XPR1: variants seen among roughly 807,000 people sequenced by gnomAD.
The protein encoded by XPR1 is solute carrier family 53 member 1.
A neutral mutation model predicts 87.5 loss-of-function variants in XPR1; 28 were observed. The ratio of observed to expected loss-of-function variants is 0.32; its 90% confidence interval spans 0.24 to 0.44. XPR1 has a LOEUF of 0.44. Ranked by LOEUF, XPR1 falls within the 20% of genes least tolerant of loss-of-function variation. XPR1 has a pLI of 1.00. For synonymous variants in XPR1, 300 were observed against 306.1 expected, an observed-to-expected ratio of 0.98 and a Z score of 0.21; for missense variants, 559 against 862.3, an observed-to-expected ratio of 0.65 and a Z score of 4.41.
At chr1:180,691,164 G>A (rs1051689556) in intron 2 of XPR1, among the ~76,000 whole-genome samples, 2 of 152,018 alleles carry the variant, frequency 1.3e-5, no homozygotes, top group Admixed American at 6.6e-5. Context: ...TTTTATTGCT[G>A]AGAAACTATA....
At chr1:180,821,764 T>C (rs1650631897) in intron 7 of XPR1, among the ~76,000 whole-genome samples, 2 of 152,216 alleles carry the variant, frequency 1.3e-5, no homozygotes, top group Admixed American at 6.5e-5. Context: ...GTAAAAGTTA[T>C]TTCTAGATGT....
chr1:180,691,518 G>T (rs1198009174), intron 2 of XPR1, among the ~76,000 whole-genome samples: 4 of 152,084 alleles, frequency 2.6e-5, no homozygotes, highest in Non-Finnish European at 5.9e-5. Flanking sequence ...CTGACTTTCT[G>T]AAATTGGATG....
In XPR1 at chr1:180,884,847, CT is replaced by C. The variant is rs1307152724; in HGVS notation, c.*785del. ...ACAACTTGCACCAGTTTGACCTTTT[CT>C]TTTCTTTGTTTTTATTTTAAGCCAA... On this transcript the variant is annotated 3_prime_UTR_variant, in exon 15 of 15. Transcript: ENST00000367590. 2 of 152,524 alleles carry C rather than the reference CT, an allele frequency of 1.3e-5. No homozygotes were observed. The highest frequency in any genetic ancestry group is 2.9e-5 in the Non-Finnish European group (2 of 68,032). The allele number at this position is 152,524 out of a possible 1,614,324, so 9.4% of individuals were successfully genotyped here. A position where few individuals can be genotyped will look rare whatever the true frequency, so the allele number is the denominator to read the frequency against.
intron 1 of XPR1, among the ~76,000 whole-genome samples, chr1:180,635,357 A>G (rs1051727115): frequency 6.6e-6 from 1 of 152,218 alleles, no homozygotes; most frequent in South Asian, 2.1e-4. Flanking sequence ...TAGTGACTAT[A>G]TATTTTAAAG....
At chr1:180,634,398 A>G (rs1004362465) in intron 1 of XPR1, among the ~76,000 whole-genome samples, 2 of 152,198 alleles carry the variant, frequency 1.3e-5, no homozygotes, top group African/African-American at 4.8e-5. Flanking sequence ...AATATTTTAT[A>G]GGGTTGGAAT....
At chr1:180,795,548 C>A (rs1649539027) in intron 3 of XPR1, among the ~76,000 whole-genome samples, 1 of 152,038 alleles carries the variant, frequency 6.6e-6, no homozygotes, top group South Asian at 2.1e-4. Flanking sequence ...AATATTTTTT[C>A]AGATAGCTTC....
intron 11 of XPR1, among the ~76,000 whole-genome samples, chr1:180,839,521 G>T (rs1651431869): frequency 7.2e-6 from 1 of 138,762 alleles, no homozygotes. Flanking sequence ...TGGAACTTCA[G>T]ATTACACTCA....
intron 2 of XPR1, among the ~76,000 whole-genome samples, chr1:180,710,010 A>G (rs1050377227): frequency 5.3e-5 from 8 of 151,730 alleles, no homozygotes; most frequent in South Asian, 4.2e-4. Flanking sequence ...GGTTCAAGCA[A>G]TTCTCCTGCC....
intron 11 of XPR1, among the ~76,000 whole-genome samples, chr1:180,851,616 A>G (rs1222987663): frequency 6.6e-6 from 1 of 152,178 alleles, no homozygotes; most frequent in Non-Finnish European, 1.5e-5. Flanking sequence ...TACAGCAATA[A>G]CCTACTACAA....
intron 2 of XPR1, among the ~76,000 whole-genome samples, chr1:180,695,707 G>A (rs1336772168): frequency 2.0e-5 from 3 of 152,064 alleles, no homozygotes; most frequent in Non-Finnish European, 4.4e-5. Flanking sequence ...TCCAGTGTAT[G>A]TTCTGGAGCC....
intron 1 of XPR1, among the ~76,000 whole-genome samples, chr1:180,632,578 G>A (rs922685973): frequency 2.1e-4 from 32 of 152,364 alleles, no homozygotes; most frequent in African/African-American, 7.2e-4. Context: ...AGGTGGGGGA[G>A]TCACGGTGCG....
At chr1:180,847,797 C>T (rs1651734301) in intron 11 of XPR1, among the ~76,000 whole-genome samples, 1 of 152,136 alleles carries the variant, frequency 6.6e-6, no homozygotes, top group African/African-American at 2.4e-5. Flanking sequence ...AAGGCAGACA[C>T]TCTAAATTAT....
At chr1:180,691,884 A>G (rs915816408) in intron 2 of XPR1, among the ~76,000 whole-genome samples, 7 of 152,132 alleles carry the variant, frequency 4.6e-5, no homozygotes, top group African/African-American at 1.7e-4. Flanking sequence ...ATTCTGGAGA[A>G]TGGAAGACTG....
intron 2 of XPR1, among the ~76,000 whole-genome samples, chr1:180,718,043 G>A (rs768261703): frequency 6.6e-6 from 1 of 152,080 alleles, no homozygotes; most frequent in Admixed American, 6.6e-5. Context: ...TGTTTCTTTG[G>A]TATGAGCCAG....
At chr1:180,672,317 T>G (rs1358263533) in intron 1 of XPR1, among the ~76,000 whole-genome samples, 2 of 152,200 alleles carry the variant, frequency 1.3e-5, no homozygotes, top group Non-Finnish European at 2.9e-5. Flanking sequence ...GAGTCAGGCT[T>G]AATGCTTATA....
chr1:180,850,097 A>G (rs1426407883), intron 11 of XPR1, among the ~76,000 whole-genome samples: 3 of 152,200 alleles, frequency 2.0e-5, no homozygotes, highest in Non-Finnish European at 4.4e-5. Flanking sequence ...TTTCAGAAGT[A>G]CTGACTTTGA....
At chr1:180,796,068 A>G (rs1435575631) in intron 3 of XPR1, among the ~76,000 whole-genome samples, 3 of 152,132 alleles carry the variant, frequency 2.0e-5, no homozygotes, top group African/African-American at 7.2e-5. Flanking sequence ...TCGGCCTCCA[A>G]AAGTGCTGGG....
chr1:180,881,993 G>T (rs1652864010), intron 14 of XPR1, among the ~76,000 whole-genome samples: 1 of 152,220 alleles, frequency 6.6e-6, no homozygotes, highest in Non-Finnish European at 1.5e-5. Flanking sequence ...GGGGAGCACT[G>T]AGTGGGTCAG....
intron 2 of XPR1, among the ~76,000 whole-genome samples, chr1:180,760,953 A>G (rs1287812761): frequency 2.0e-5 from 3 of 152,164 alleles, no homozygotes; most frequent in African/African-American, 2.4e-5. Context: ...GCCCTCAGAA[A>G]TAATGCCGCA....
Sources: gnomAD v4.1 joint callset for allele counts (sites outside exome capture counted in the v4.1 genomes callset) on GRCh38, gnomAD v4.1.1 for gene constraint, MANE v1.5 for transcripts, NCBI Gene and HGNC (gene_info 2026-07-23, HGNC 2026-07-21) for gene names.